Variants in DAB2IP observed in about 807,000 individuals in gnomAD.
The protein encoded by DAB2IP is disabled homolog 2-interacting protein.
A neutral mutation model predicts 107.2 loss-of-function variants in DAB2IP; 28 were observed. The observed-to-expected ratio is 0.26, with a 90% CI of 0.19 to 0.36. DAB2IP has a LOEUF of 0.36. Ranked by LOEUF, DAB2IP falls within the 10% of genes least tolerant of loss-of-function variation. The pLI, the probability that DAB2IP is intolerant of heterozygous loss-of-function variation, is 1.00. For synonymous variants in DAB2IP, 755 were observed against 706.4 expected (o/e 1.07, Z -1.09); for missense variants, 1,400 against 1,644.7 (o/e 0.85, Z 2.57).
rs142693830 is a variant in DAB2IP at position 121,700,292 on chromosome 9, G to T, written c.362+834G>T. On this transcript the variant is annotated intron_variant, in intron 3 of 15. Coordinates refer to ENST00000408936, the Ensembl canonical transcript of DAB2IP. ...CTGGCCAGGGAGCAGGCTTCAGCTC[G>T]CAAGGGCAAGCCATCCTGTCCTCCA... Among the ~76,000 whole-genome samples the T allele has an allele frequency of 1.5e-3, 232 of 152,070 alleles. 1 individual carries two copies. The highest frequency in any genetic ancestry group is 5.1e-3 in the African/African-American group (211 of 41,536).
chr9:121,572,126 T>A (rs1589367492), intron 1 of DAB2IP, among the ~76,000 whole-genome samples: 1 of 152,254 alleles, frequency 6.6e-6, no homozygotes, highest in East Asian at 1.9e-4. Flanking sequence ...GCGGCCAGCA[T>A]AAGAGAAAAA....
intron 1 of DAB2IP, among the ~76,000 whole-genome samples, chr9:121,592,767 T>G (rs372900154): frequency 6.6e-6 from 1 of 152,178 alleles, no homozygotes; most frequent in East Asian, 1.9e-4. Context: ...CTTTGGCAAA[T>G]CACTCCAGAC....
chr9:121,615,992 A>T (rs973833489), intron 1 of DAB2IP, among the ~76,000 whole-genome samples: 4 of 152,148 alleles, frequency 2.6e-5, no homozygotes, highest in Non-Finnish European at 5.9e-5. Flanking sequence ...ATTAACTGCT[A>T]ATCTTGTGTC....
intron 1 of DAB2IP, among the ~76,000 whole-genome samples, chr9:121,600,445 C>T (rs958073877): frequency 6.6e-6 from 1 of 152,158 alleles, no homozygotes; most frequent in African/African-American, 2.4e-5. Context: ...AGTGCTCAGC[C>T]TGGTGGGAAT....
chr9:121,756,978 T>C (rs777089912), intron 3 of DAB2IP, 35 bp from the exon 4 acceptor site: 1 of 1,612,856 alleles, frequency 6.2e-7, no homozygotes, highest in Non-Finnish European at 8.5e-7. Context: ...ACCCGGGCTG[T>C]GGGGGCCCAC....
chr9:121,597,240 T>C (rs1175570369), intron 1 of DAB2IP, among the ~76,000 whole-genome samples: 1 of 152,236 alleles, frequency 6.6e-6, no homozygotes, highest in East Asian at 1.9e-4. Flanking sequence ...TATTATGAGT[T>C]TTTTTTGTGT....
Position 121,678,888 on chromosome 9 carries a change from C to T in DAB2IP, c.228+107C>T. On this transcript the variant is annotated intron_variant, in intron 2 of 15. Transcript: ENST00000408936. ...CCCCCCTTCCTGGAGCCTCATGGAC[C>T]CGGAGAGCATCCGGCCTCCCTTGCT... 4 of 1,069,854 alleles carry T rather than the reference C, an allele frequency of 3.7e-6. No individual in the cohort carries two copies. The South Asian group carries it at 7.6e-5, about 20-fold the overall frequency. 66.3% of individuals were successfully genotyped at this position (1,069,854 alleles called of 1,614,324 possible). A position where few individuals can be genotyped will look rare whatever the true frequency, so the allele number is the denominator to read the frequency against.
intron 1 of DAB2IP, among the ~76,000 whole-genome samples, chr9:121,642,076 T>C (rs1306365679): frequency 2.0e-4 from 27 of 135,758 alleles, no homozygotes; most frequent in Non-Finnish European, 4.0e-4. Context: ...TCTTTCTTTC[T>C]TTCTTTCTCA....
At chr9:121,758,058 A>G (rs780261896) in intron 4 of DAB2IP, among the ~76,000 whole-genome samples, 2 of 152,210 alleles carry the variant, frequency 1.3e-5, no homozygotes, top group Non-Finnish European at 2.9e-5. Context: ...CTGGGTTCTG[A>G]CTTCCTTGCC....
upstream of DAB2IP, among the ~76,000 whole-genome samples, chr9:121,646,799 C>G (rs974054021): frequency 6.6e-6 from 1 of 152,108 alleles, no homozygotes; most frequent in Non-Finnish European, 1.5e-5. Context: ...TCCACTCCCC[C>G]GTCTCTGCAT....
chr9:121,669,132 G>C (rs10985351), intron 1 of DAB2IP, among the ~76,000 whole-genome samples: 1 of 151,942 alleles, frequency 6.6e-6, no homozygotes, highest in African/African-American at 2.4e-5. Context: ...GCCAGGCTGA[G>C]TGTTGGCCAG....
In DAB2IP at chr9:121,616,453, G is replaced by A. The variant is rs181965262; in HGVS notation, c.40+49225G>A. Among the ~76,000 whole-genome samples the A allele has an allele frequency of 1.2e-4, 19 of 152,326 alleles. No individual in the cohort carries two copies. The East Asian group carries it at 3.7e-3, about 29-fold the overall frequency. ...GAACGTTTCTTAGGGGAAGGTGTGG[G>A]TGCAGAGGCAGGGGGATACCCACAT... On this transcript the variant is annotated intron_variant, in intron 1 of 16. Transcript: ENST00000259371.
rs1342947323 is a variant in DAB2IP at position 121,699,172 on chromosome 9, G to T, written c.229-153G>T. ...TCGGCGCTCGGTCGGCGGGCGGGCGGCGCGGGCCGCGAGCTGCTGGGGCCG... is the reference window on the plus strand; with the variant it reads ...TCGGCGCTCGGTCGGCGGGCGGGCGTCGCGGGCCGCGAGCTGCTGGGGCCG... On this transcript the variant is annotated intron_variant, in intron 2 of 15. Coordinates refer to ENST00000408936, the Ensembl canonical transcript of DAB2IP. The surrounding 1 kb of genome is among the most constrained non-coding windows in gnomAD (Gnocchi z 6.2). Among the ~76,000 whole-genome samples, 1 of 145,336 alleles carries T rather than the reference G, an allele frequency of 6.9e-6. No individual in the cohort carries two copies. Among genetic ancestry groups the T allele is most frequent in the Non-Finnish European group, 1.5e-5 (1 of 65,456 alleles).
rs540388884 is a variant in DAB2IP at position 121,781,920 on chromosome 9, A to C, written c.3402+369A>C. ...GGCATCCGGGCTGCATTGAGGGGAG[A>C]CGTGAAAGGCTCTGTGGCCCCAGCC... On this transcript the variant is annotated intron_variant, in intron 15 of 15. Transcript: ENST00000408936. Among the ~76,000 whole-genome samples the C allele has an allele frequency of 1.3e-4, 20 of 152,162 alleles. No homozygotes were observed. In the South Asian group the frequency reaches 3.9e-3, roughly 30 times the overall value.
upstream of DAB2IP, chr9:121,651,580 G>A (rs978059580): frequency 2.4e-5 from 22 of 910,062 alleles, no homozygotes; most frequent in Non-Finnish European, 2.9e-5. This position sits in a 1 kb window ranked among gnomAD's most constrained non-coding sequence, Gnocchi z 5.1. Flanking sequence ...CCCCGCCGCG[G>A]GGCCGGCTGC....
chr9:121,718,997 G>C (rs947801937), intron 3 of DAB2IP, among the ~76,000 whole-genome samples: 6 of 152,200 alleles, frequency 3.9e-5, no homozygotes, highest in African/African-American at 1.2e-4. Flanking sequence ...TAGCAAGGGG[G>C]TGCTTCATGA....
intron 3 of DAB2IP, among the ~76,000 whole-genome samples, chr9:121,743,471 G>C (rs1226093582): frequency 6.6e-6 from 1 of 151,766 alleles, no homozygotes; most frequent in Admixed American, 6.6e-5. Flanking sequence ...AGGAAAAAGG[G>C]ACCTGTACCT....
chr9:121,646,502 C>T (rs1170224346), intron 1 of DAB2IP, among the ~76,000 whole-genome samples: 2 of 142,092 alleles, frequency 1.4e-5, no homozygotes, highest in Admixed American at 7.1e-5. Context: ...CCCCCCACCC[C>T]GACCCTCTGT....
intron 1 of DAB2IP, among the ~76,000 whole-genome samples, chr9:121,570,706 C>T (rs1829917742): frequency 6.6e-6 from 1 of 151,934 alleles, no homozygotes; most frequent in Admixed American, 6.6e-5. Flanking sequence ...CACCACCATG[C>T]CTGGCTAATT....
Sources: allele counts gnomAD v4.1 joint callset (sites outside exome capture counted in the v4.1 genomes callset), GRCh38; gene constraint gnomAD v4.1.1; non-coding constraint Gnocchi (gnomAD v3.1); transcripts MANE v1.5; gene names NCBI Gene and HGNC (gene_info 2026-07-23, HGNC 2026-07-21).